Variants in PARP4 observed in about 807,000 individuals in gnomAD.
PARP4 encodes protein mono-ADP-ribosyltransferase PARP4.
A neutral mutation model predicts 187.7 loss-of-function variants in PARP4; 120 were observed. The observed-to-expected ratio is 0.64, with a 90% CI of 0.55 to 0.74. The LOEUF (loss-of-function observed/expected upper bound fraction) is 0.74, where lower values mean the gene tolerates loss of function less well. Ranked by LOEUF, PARP4 falls within the 30% of genes least tolerant of loss-of-function variation. PARP4 has a pLI of 0.00. For synonymous variants in PARP4, 654 were observed against 740.9 expected, an observed-to-expected ratio of 0.88 and a Z score of 1.90; for missense variants, 1,836 against 2,070.5, an observed-to-expected ratio of 0.89 and a Z score of 2.20.
chr13:24,449,257 T>G (rs575697502), intron 25 of PARP4, among the ~76,000 whole-genome samples: 143 of 151,998 alleles, frequency 9.4e-4, no homozygotes, highest in East Asian at 2.7e-3. Context: ...GCATGGTGGC[T>G]GGTGCCTGTA....
intron 15 of PARP4, among the ~76,000 whole-genome samples, chr13:24,472,190 G>A (rs1872754082): frequency 6.6e-6 from 1 of 152,212 alleles, no homozygotes; most frequent in Non-Finnish European, 1.5e-5. Flanking sequence ...GAGTCTGAGA[G>A]AATTAAGTAC....
intron 15 of PARP4, among the ~76,000 whole-genome samples, chr13:24,472,132 C>T (rs1332218493): frequency 2.0e-5 from 3 of 151,870 alleles, no homozygotes; most frequent in Non-Finnish European, 4.4e-5. Context: ...GTCTCTGGGC[C>T]TCAGCTTCTT....
At chr13:24,494,479 C>T in intron 7 of PARP4, 94 bp downstream of exon 7, 2 of 1,151,274 alleles carry the variant, frequency 1.7e-6, no homozygotes, top group Non-Finnish European at 2.5e-6. Flanking sequence ...AGGCATGAGC[C>T]ACGAAGCCTG....
intron 17 of PARP4, among the ~76,000 whole-genome samples, chr13:24,460,555 T>G (rs950660836): frequency 2.0e-5 from 3 of 151,492 alleles, no homozygotes; most frequent in Admixed American, 2.0e-4. Context: ...AGCCCTTTCT[T>G]GAAGACCCTC....
chr13:24,481,490 C>T (rs1471630633), intron 12 of PARP4, among the ~76,000 whole-genome samples: 1 of 152,148 alleles, frequency 6.6e-6, no homozygotes, highest in African/African-American at 2.4e-5. Flanking sequence ...GTCAGGAGTT[C>T]GAGACCAGCC....
rs762352896 is a variant in PARP4, at chr13:24,490,755, C to T, written c.1127G>A (p.Arg376Gln). The T allele has an allele frequency of 1.4e-5, 23 of 1,613,768 alleles. No homozygotes were observed. The highest frequency in any genetic ancestry group is 3.3e-5 in the South Asian group (3 of 91,072). The change falls in exon 10 of 34, where the codon CGA becomes CAA. Residue 376 changes from arginine to glutamine, a missense_variant. Physicochemically the swap from Arg to Gln is conservative, Grantham distance 43 (BLOSUM62 1). Around this residue, in one of 8 missense-constraint regions of PARP4, gnomAD observed 1,147 missense variants for 1,214.2 expected, o/e 0.94. Transcript: ENST00000381989. The part of the protein sequence containing the change: ...KPNPPSLAKY[R>Q]ALRCKIEHVE... ...ATGCTCAATTTTGCACCTCAAAGCT[C>T]GGTATTTGGCCAGGGATGGTGGGTT...
At chr13:24,471,787 A>G (rs1312191748) in intron 15 of PARP4, among the ~76,000 whole-genome samples, 1 of 152,214 alleles carries the variant, frequency 6.6e-6, no homozygotes, top group South Asian at 2.1e-4. Flanking sequence ...CATGGAGGAC[A>G]CACGCCTCTC....
chr13:24,501,448 G>C (rs1271801705), intron 3 of PARP4, among the ~76,000 whole-genome samples, 185 bp downstream of exon 3: 1 of 152,160 alleles, frequency 6.6e-6, no homozygotes, highest in Non-Finnish European at 1.5e-5. Flanking sequence ...TAGATATCAA[G>C]AAATCTGTTT....
At position 24,465,620 on chromosome 13, in the gene PARP4, C is replaced by T. The variant is rs141454137; in HGVS notation, c.2133+3404G>A. ...AAACAACATACACTGGGGCCTGTAG[C>T]GGAGGCAGGGAGAGGGAGAGCATCA... is the stretch of plus-strand genomic sequence containing the variant. On this transcript the variant is annotated intron_variant, in intron 17 of 33. Coordinates refer to ENST00000381989, the MANE Select transcript of PARP4 (RefSeq NM_006437.4). 1.3e-3 allele frequency among the ~76,000 whole-genome samples: 203 copies of T among 152,138 alleles called. 3 individuals are homozygous for T. In the East Asian group the frequency reaches 0.02, roughly 15 times the overall value.
chr13:24,429,899 G>A (rs1359929140), intron 32 of PARP4, among the ~76,000 whole-genome samples: 6 of 152,232 alleles, frequency 3.9e-5, no homozygotes, highest in Middle Eastern at 3.4e-3. Context: ...TCCTCATCCC[G>A]TTAAGACTTT....
intron 17 of PARP4, 147 bp from the exon 18 acceptor site, chr13:24,460,283 G>A (rs1872144282): frequency 2.9e-6 from 2 of 691,434 alleles, no homozygotes; most frequent in African/African-American, 1.8e-5. Context: ...AGACACATTG[G>A]TGGGGCTAAC....
chr13:24,453,615 C>T lies in PARP4; in HGVS notation c.2798G>A (p.Ser933Asn), dbSNP rs777129851. The T allele has an allele frequency of 6.2e-7, 1 of 1,606,432 alleles. No individual in the cohort carries two copies. The highest frequency in any genetic ancestry group is 1.1e-5 in the South Asian group (1 of 90,896). Reference protein sequence around the residue: ...ELFSYPKHITSNTMAAEFIMS... With the variant: ...ELFSYPKHITNNTMAAEFIMS... ...GATGAACTCTGCTGCCATGGTATTGCTTGTGATATGCTTAGGATACGAAAA... is the reference window on the plus strand; with the variant it reads ...GATGAACTCTGCTGCCATGGTATTGTTTGTGATATGCTTAGGATACGAAAA... Residue 933 changes from serine to asparagine, a missense_variant, in exon 23 of 34, where the codon AGC becomes AAC. This residue lies in a region of PARP4 where 1,147 missense variants were observed against 1,214.2 expected (regional missense o/e 0.94). Transcript: ENST00000381989.
At chr13:24,491,350 G>A (rs531729829) in intron 9 of PARP4, among the ~76,000 whole-genome samples, 10 of 152,284 alleles carry the variant, frequency 6.6e-5, no homozygotes, top group Admixed American at 5.9e-4. Context: ...TCAAACTCCT[G>A]ACTGGTGATC....
intron 17 of PARP4, among the ~76,000 whole-genome samples, chr13:24,465,836 T>C (rs534948479): frequency 1.3e-5 from 2 of 151,422 alleles, no homozygotes; most frequent in Admixed American, 6.6e-5. Context: ...TATGAAGAAA[T>C]AAAACACACG....
At chr13:24,500,809 C>T (rs533399834) in intron 3 of PARP4, among the ~76,000 whole-genome samples, 67 of 152,286 alleles carry the variant, frequency 4.4e-4, no homozygotes, top group African/African-American at 1.6e-3. Context: ...TACAGAGAAA[C>T]AGTAACACTA....
intron 14 of PARP4, among the ~76,000 whole-genome samples, chr13:24,477,285 G>A (rs146044125): frequency 6.6e-6 from 1 of 152,130 alleles, no homozygotes; most frequent in African/African-American, 2.4e-5. Flanking sequence ...TTTCAGGCCA[G>A]CCTAAGCAAC....
At chr13:24,464,006 G>T (rs1220035341) in intron 17 of PARP4, among the ~76,000 whole-genome samples, 2 of 152,050 alleles carry the variant, frequency 1.3e-5, no homozygotes, top group Non-Finnish European at 2.9e-5. Flanking sequence ...ACCAACAACA[G>T]ACAAGCAGAG....
intron 12 of PARP4, among the ~76,000 whole-genome samples, chr13:24,478,824 T>A (rs1331176951): frequency 6.6e-6 from 1 of 152,218 alleles, no homozygotes; most frequent in Admixed American, 6.5e-5. Flanking sequence ...GAGAAATGAA[T>A]TCTACTGTTC....
chr13:24,487,807 C>T (rs576127569), intron 10 of PARP4, among the ~76,000 whole-genome samples: 2 of 152,300 alleles, frequency 1.3e-5, no homozygotes, highest in Admixed American at 6.5e-5. Flanking sequence ...AGCTGGCTTA[C>T]CAGCACACCC....
Sources: allele counts gnomAD v4.1 joint callset (sites outside exome capture counted in the v4.1 genomes callset), GRCh38; gene constraint gnomAD v4.1.1; regional missense constraint gnomAD v4.1.1; transcripts MANE v1.5; gene names NCBI Gene and HGNC (gene_info 2026-07-23, HGNC 2026-07-21).